Variants in NR1H4 observed in about 807,000 individuals in gnomAD.
NR1H4 encodes nuclear receptor subfamily 1 group H member 4.
A neutral mutation model predicts 58.5 loss-of-function variants in NR1H4; 23 were observed. That is an observed-to-expected ratio of 0.39 (90% confidence interval 0.28 to 0.56). NR1H4 has a LOEUF of 0.56. Among genes scored for constraint, NR1H4 ranks in the 20% least tolerant of loss-of-function variants. The pLI is 0.58. For missense variants in NR1H4, 487 were observed against 576.9 expected, an observed-to-expected ratio of 0.84 and a Z score of 1.60; for synonymous variants, 214 against 198.0, an observed-to-expected ratio of 1.08 and a Z score of -0.68.
At chr12:100,475,958 T>G in intron 1 of NR1H4, among the ~76,000 whole-genome samples, 1 of 152,142 alleles carries the variant, frequency 6.6e-6, no homozygotes, top group Non-Finnish European at 1.5e-5. Flanking sequence ...GGTCTCGAAC[T>G]CTTGACCTCA....
At chr12:100,501,280 C>T (rs567373521) in intron 3 of NR1H4, among the ~76,000 whole-genome samples, 2 of 152,002 alleles carry the variant, frequency 1.3e-5, no homozygotes, top group African/African-American at 4.8e-5. Context: ...CTATGACCCT[C>T]TCAGGGAAAG....
chr12:100,526,525 C>A (rs1233550383), intron 4 of NR1H4, among the ~76,000 whole-genome samples: 1 of 152,166 alleles, frequency 6.6e-6, no homozygotes, highest in South Asian at 2.1e-4. Flanking sequence ...ACAACTCTCC[C>A]GGCTGATGTG....
chr12:100,509,915 GCACA>G (rs139809053), intron 3 of NR1H4, among the ~76,000 whole-genome samples: 3,660 of 131,648 alleles, frequency 0.028, 76 homozygotes, highest in African/African-American at 0.082. Context: ...GCACGTGCGC[GCACA>G]CACACACACA....
chr12:100,549,407 C>T (rs922024381), intron 9 of NR1H4, among the ~76,000 whole-genome samples: 1 of 152,020 alleles, frequency 6.6e-6, no homozygotes, highest in African/African-American at 2.4e-5. Flanking sequence ...GAATGGCACA[C>T]CTTCCCTGTA....
At chr12:100,557,170 A>T (rs1955347729) in intron 9 of NR1H4, among the ~76,000 whole-genome samples, 1 of 152,228 alleles carries the variant, frequency 6.6e-6, no homozygotes, top group African/African-American at 2.4e-5. Flanking sequence ...ATGGTTCTGC[A>T]GGCTGTGCAA....
chr12:100,510,607 T>TA (rs1954081320), intron 3 of NR1H4, among the ~76,000 whole-genome samples, 171 bp from the exon 4 acceptor site: 6 of 133,690 alleles, frequency 4.5e-5, no homozygotes, highest in Admixed American at 3.1e-4. Flanking sequence ...TCATTTAATT[T>TA]TATATATATA....
At chr12:100,559,022 A>G (rs11110420) in intron 9 of NR1H4, among the ~76,000 whole-genome samples, 7,052 of 152,320 alleles carry the variant, frequency 0.046, 335 homozygotes, top group East Asian at 0.2. Context: ...TACTCCTACT[A>G]TTACTATTGT....
chr12:100,557,959 G>T (rs1295447434), intron 9 of NR1H4, among the ~76,000 whole-genome samples: 1 of 152,028 alleles, frequency 6.6e-6, no homozygotes, highest in Non-Finnish European at 1.5e-5. Context: ...GTTTTGTTTT[G>T]TTTTTCTGTC....
At chr12:100,538,264 G>C (rs1230370771) in intron 8 of NR1H4, among the ~76,000 whole-genome samples, 1 of 152,134 alleles carries the variant, frequency 6.6e-6, no homozygotes, top group Non-Finnish European at 1.5e-5. Context: ...GACTTAATCA[G>C]GTTCATGTAA....
chr12:100,508,820 T>G (rs1448172269), intron 3 of NR1H4, among the ~76,000 whole-genome samples: 1 of 152,144 alleles, frequency 6.6e-6, no homozygotes, highest in African/African-American at 2.4e-5. Flanking sequence ...AAAACCACGT[T>G]TTTCTAAAAG....
At chr12:100,510,716 A>G in intron 3 of NR1H4, 62 bp from the exon 4 acceptor site, 1 of 1,601,024 alleles carries the variant, frequency 6.2e-7, no homozygotes. Flanking sequence ...ATTACGCCAA[A>G]CTGCCTCTCT....
chr12:100,557,974 C>T (rs760925305), intron 9 of NR1H4, among the ~76,000 whole-genome samples: 10 of 152,050 alleles, frequency 6.6e-5, no homozygotes, highest in East Asian at 5.8e-4. Context: ...TCTGTCACCA[C>T]GATTCTCCAT....
At chr12:100,534,070 G>A (rs767919498) in intron 5 of NR1H4, among the ~76,000 whole-genome samples, 4 of 151,762 alleles carry the variant, frequency 2.6e-5, no homozygotes, top group Non-Finnish European at 5.9e-5. Context: ...CTAATTTTTT[G>A]TATTTTTAGT....
chr12:100,550,391 T>C (rs1955177754), intron 9 of NR1H4, among the ~76,000 whole-genome samples: 1 of 152,040 alleles, frequency 6.6e-6, no homozygotes, highest in Admixed American at 6.6e-5. Context: ...TGAGACAAAG[T>C]TTCATTCTTA....
At chr12:100,516,041 G>T (rs539837885) in intron 4 of NR1H4, among the ~76,000 whole-genome samples, 1 of 152,304 alleles carries the variant, frequency 6.6e-6, no homozygotes, top group South Asian at 2.1e-4. Flanking sequence ...GAATACTGGC[G>T]TAAAAATCAT....
chr12:100,494,211 G>A (rs1953662938), intron 3 of NR1H4, among the ~76,000 whole-genome samples: 1 of 152,156 alleles, frequency 6.6e-6, no homozygotes, highest in African/African-American at 2.4e-5. Context: ...ATGAAGGCAT[G>A]ACCGCTTATT....
chr12:100,502,326 C>T (rs1158015433), intron 3 of NR1H4, among the ~76,000 whole-genome samples: 1 of 152,048 alleles, frequency 6.6e-6, no homozygotes, highest in East Asian at 1.9e-4. Context: ...AGAAATTATC[C>T]CATAGTTCTG....
rs1491443606 is a variant in NR1H4 at position 100,506,042 on chromosome 12, C to CACACACACACAG, written c.80-4735_80-4734insCACACACACAGA. Among the ~76,000 whole-genome samples, 152 of 117,504 alleles carry CACACACACACAG rather than the reference C, an allele frequency of 1.3e-3. 1 individual carries two copies. The highest frequency in any genetic ancestry group is 5.0e-3 in the African/African-American group (143 of 28,612). The allele number at this position is 117,504 out of a possible 152,430, so 77.1% of individuals were successfully genotyped here. A position where few individuals can be genotyped will look rare whatever the true frequency, so the allele number is the denominator to read the frequency against. The stretch of plus-strand genomic sequence containing the variant: ...ACACACACACACACACACACACACA[C>CACACACACACAG]AGAGAGAGAGAGAGAACATGAGCAT... On this transcript the variant is annotated intron_variant, in intron 3 of 10. Coordinates refer to ENST00000392986, the MANE Select transcript of NR1H4 (RefSeq NM_001206979.2).
chr12:100,491,158 C>T (rs149182818), intron 1 of NR1H4, among the ~76,000 whole-genome samples: 25 of 152,186 alleles, frequency 1.6e-4, no homozygotes, highest in African/African-American at 5.1e-4. Flanking sequence ...CCTCCCTCCC[C>T]GACAACACCC....
Sources: gnomAD v4.1 joint callset for allele counts (sites outside exome capture counted in the v4.1 genomes callset) on GRCh38, gnomAD v4.1.1 for gene constraint, MANE v1.5 for transcripts, NCBI Gene and HGNC (gene_info 2026-07-23, HGNC 2026-07-21) for gene names.